Variants in SIPA1L1 observed in about 807,000 individuals in gnomAD.
SIPA1L1 encodes signal induced proliferation associated 1 like 1.
In SIPA1L1, 26 loss-of-function variants were observed where a neutral mutation model predicts 162.7. The ratio of observed to expected loss-of-function variants is 0.16; its 90% confidence interval spans 0.12 to 0.22. SIPA1L1 has a LOEUF of 0.22. Among genes scored for constraint, SIPA1L1 ranks in the 10% least tolerant of loss-of-function variants. The pLI, the probability that SIPA1L1 is intolerant of heterozygous loss-of-function variation, is 1.00. For synonymous variants in SIPA1L1, 829 were observed against 837.4 expected, an observed-to-expected ratio of 0.99 and a Z score of 0.17; for missense variants, 1,874 against 2,241.0, an observed-to-expected ratio of 0.84 and a Z score of 3.31.
chr14:71,455,177 G>T (rs2046100494), intron 2 of SIPA1L1, among the ~76,000 whole-genome samples: 1 of 152,210 alleles, frequency 6.6e-6, no homozygotes, highest in East Asian at 1.9e-4. Flanking sequence ...AGTGTTAACT[G>T]TAACAAGTTG....
chr14:71,528,071 T>C (rs539488261), intron 3 of SIPA1L1, among the ~76,000 whole-genome samples: 13 of 152,156 alleles, frequency 8.5e-5, no homozygotes, highest in Non-Finnish European at 1.6e-4. Flanking sequence ...CCCTTTTGAA[T>C]ATTAAAAGCA....
At chr14:71,350,226 AAC>A (rs10664371) in intron 2 of SIPA1L1, among the ~76,000 whole-genome samples, 30,577 of 146,366 alleles carry the variant, frequency 0.21, 3,286 homozygotes, top group Middle Eastern at 0.36. Context: ...GTCTCTACTA[AAC>A]ACACACACAC....
chr14:71,675,845 T>C (rs1395874680), intron 12 of SIPA1L1, among the ~76,000 whole-genome samples: 1 of 152,174 alleles, frequency 6.6e-6, no homozygotes, highest in African/African-American at 2.4e-5. Context: ...AGGTGATGAC[T>C]GTATGTAATA....
At chr14:71,402,820 A>C (rs2041773333) in intron 2 of SIPA1L1, among the ~76,000 whole-genome samples, 1 of 152,192 alleles carries the variant, frequency 6.6e-6, no homozygotes, top group Non-Finnish European at 1.5e-5. Flanking sequence ...GAAGACAATT[A>C]GATATTTGGT....
intron 2 of SIPA1L1, among the ~76,000 whole-genome samples, chr14:71,469,082 T>C (rs548822068): frequency 6.6e-6 from 1 of 151,838 alleles, no homozygotes; most frequent in Non-Finnish European, 1.5e-5. Flanking sequence ...TCTGGAATGC[T>C]CTCTTCTTAA....
intron 12 of SIPA1L1, among the ~76,000 whole-genome samples, chr14:71,680,678 C>CACT (rs1420278785): frequency 6.6e-6 from 1 of 152,082 alleles, no homozygotes; most frequent in African/African-American, 2.4e-5. Context: ...ATGGATAGAT[C>CACT]ACTAGCAAGA....
At chr14:71,480,503 T>C (rs2048272148) in intron 2 of SIPA1L1, among the ~76,000 whole-genome samples, 1 of 149,326 alleles carries the variant, frequency 6.7e-6, no homozygotes, top group African/African-American at 2.5e-5. Flanking sequence ...GGCTCACGCC[T>C]GTAATCCCAG....
chr14:71,542,510 TTCCTCTTCCTCCTCC>T (rs1248810503), intron 4 of SIPA1L1, among the ~76,000 whole-genome samples: 13 of 145,094 alleles, frequency 9.0e-5, no homozygotes, highest in Non-Finnish European at 1.4e-4. Flanking sequence ...CTCGTCGTCC[TTCCTCTTCCTCCTCC>T]TCCTCTTCCT....
intron 2 of SIPA1L1, among the ~76,000 whole-genome samples, chr14:71,467,481 A>C (rs543280383): frequency 8.5e-5 from 13 of 152,348 alleles, no homozygotes; most frequent in Middle Eastern, 3.4e-3. Flanking sequence ...ACAACATGCA[A>C]AGCCCAAATC....
rs1427093035 is a variant in SIPA1L1 at position 71,740,676 on chromosome 14, A to G, written c.*1515A>G. 1 of 151,980 alleles carries G rather than the reference A, an allele frequency of 6.6e-6. No homozygotes were observed. Among genetic ancestry groups the G allele is most frequent in the Non-Finnish European group, 1.5e-5 (1 of 68,006 alleles). 9.4% of individuals were successfully genotyped at this position (151,980 alleles called of 1,614,324 possible). A position where few individuals can be genotyped will look rare whatever the true frequency, so the allele number is the denominator to read the frequency against. On this transcript the variant is annotated 3_prime_UTR_variant, in exon 24 of 24. Transcript: ENST00000381232. ...ATTCACTACCAGATTTTTATGCTAC[A>G]GTTTCATTCTTGATTGTGATTTCTC...
intron 2 of SIPA1L1, among the ~76,000 whole-genome samples, chr14:71,336,937 G>GT (rs777781324): frequency 5.3e-5 from 8 of 152,018 alleles, no homozygotes; most frequent in Non-Finnish European, 7.4e-5. Flanking sequence ...CTGTCTTAGA[G>GT]TGGACCTTGA....
chr14:71,700,738 TA>T (rs1042722395), intron 14 of SIPA1L1, among the ~76,000 whole-genome samples: 15 of 152,120 alleles, frequency 9.9e-5, no homozygotes, highest in Admixed American at 9.8e-4. Context: ...CTGTCGCCTG[TA>T]ATCCCAGCAC....
At chr14:71,612,046 CTG>C (rs2038284165) in intron 5 of SIPA1L1, among the ~76,000 whole-genome samples, 1 of 152,222 alleles carries the variant, frequency 6.6e-6, no homozygotes, top group South Asian at 2.1e-4. Flanking sequence ...TGAAGTGTCA[CTG>C]TTCCATTCTT....
Position 71,347,606 on chromosome 14 carries a change from G to A in SIPA1L1, c.-465+26425G>A, listed in dbSNP as rs2036297650. Among the ~76,000 whole-genome samples, 3 of 152,268 alleles carry A rather than the reference G, an allele frequency of 2.0e-5. No individual in the cohort carries two copies. The South Asian group carries it at 6.2e-4, about 32-fold the overall frequency. Reference sequence around the variant, plus strand: ...TGCCGGACTGTTTTCCAAAGTGGCTGTACCATTTTCCATTTCCACGAGCAG... The same window carrying A: ...TGCCGGACTGTTTTCCAAAGTGGCTATACCATTTTCCATTTCCACGAGCAG... On this transcript the variant is annotated intron_variant, in intron 2 of 23. Transcript: ENST00000381232.
chr14:71,644,198 A>T (rs1330294546), intron 7 of SIPA1L1, among the ~76,000 whole-genome samples: 2 of 152,064 alleles, frequency 1.3e-5, no homozygotes, highest in African/African-American at 4.8e-5. Context: ...AAATTCATTG[A>T]CTTTCATGCA....
At chr14:71,666,182 CT>C (rs1182485863) in intron 10 of SIPA1L1, among the ~76,000 whole-genome samples, 1 of 152,046 alleles carries the variant, frequency 6.6e-6, no homozygotes, top group Admixed American at 6.5e-5. Context: ...TTGCTACCCC[CT>C]AAAAAAAATT....
Position 71,377,786 on chromosome 14 carries a change from C to T in SIPA1L1, c.-465+56605C>T, listed in dbSNP as rs1374741138. 6.6e-6 allele frequency among the ~76,000 whole-genome samples: 1 copy of T among 152,216 alleles called. No homozygotes were observed. The highest frequency in any genetic ancestry group is 2.4e-5 in the African/African-American group (1 of 41,470). ...GTTCAGGAGCTGGAGACCAGTCCGG[C>T]CAACACGGCGAAACCCCGTCTCCAC... On this transcript the variant is annotated intron_variant, in intron 2 of 23. Transcript: ENST00000381232. This position sits in a 1 kb window ranked among gnomAD's most constrained non-coding sequence, Gnocchi z 4.8.
chr14:71,503,189 A>G (rs2050391893), intron 2 of SIPA1L1, among the ~76,000 whole-genome samples: 1 of 152,204 alleles, frequency 6.6e-6, no homozygotes, highest in South Asian at 2.1e-4. Context: ...CTTATATCTA[A>G]TAGTATAGCT....
chr14:71,639,547 G>GT (rs1414245165), intron 7 of SIPA1L1, among the ~76,000 whole-genome samples: 1 of 152,044 alleles, frequency 6.6e-6, no homozygotes, highest in Non-Finnish European at 1.5e-5. Flanking sequence ...TTCCGCCAAG[G>GT]TTTTTTTGTG....
Sources: allele counts gnomAD v4.1 joint callset (sites outside exome capture counted in the v4.1 genomes callset), GRCh38; gene constraint gnomAD v4.1.1; non-coding constraint Gnocchi (gnomAD v3.1); transcripts MANE v1.5; gene names NCBI Gene and HGNC (gene_info 2026-07-23, HGNC 2026-07-21).